Variants in CDHR5 observed in about 807,000 individuals in gnomAD.
The protein encoded by CDHR5 is cadherin related family member 5.
A neutral mutation model predicts 69.5 loss-of-function variants in CDHR5; 82 were observed. That is an observed-to-expected ratio of 1.18 (90% CI 0.99 to 1.42). The LOEUF (loss-of-function observed/expected upper bound fraction) is 1.42. Among genes scored for constraint, CDHR5 ranks in the 40% most tolerant of loss-of-function variants. The probability of loss-of-function intolerance (pLI) is 0.00; values close to 1 mark genes in which losing one functional copy is unlikely to be tolerated. For missense variants in CDHR5, 1,293 were observed against 1,168.9 expected (o/e 1.11, Z -1.55); for synonymous variants, 601 against 510.2 (o/e 1.18, Z -2.40).
Position 617,416 on chromosome 11 carries a change from C to A in CDHR5, c.2473G>T (p.Gly825Cys). 1 of 1,611,960 alleles carries A rather than the reference C, an allele frequency of 6.2e-7. No individual in the cohort carries two copies. The highest frequency in any genetic ancestry group is 8.5e-7 in the Non-Finnish European group (1 of 1,179,400). The change falls in exon 15 of 15, where the codon GGC becomes TGC. Residue 825 changes from glycine (G) to cysteine (C), a missense_variant. Gly to Cys is a radical substitution (Grantham distance 159, BLOSUM62 -3). Coordinates refer to ENST00000397542, the MANE Select transcript of CDHR5 (RefSeq NM_021924.5). ...GASDSGSGDE[G>C]EGAGRGGGPY... is the part of the protein sequence containing the mutation. ...CCCCCACCCCTCCCCGCGCCCTCGC[C>A]CTCATCGCCGCTGCCGGAGTCACTG...
In CDHR5 at chr11:617,570, C is replaced by A; in HGVS notation, c.2319G>T (p.Ala773=). ...GCTCCTTGGTCAGGATGGACCTCACCGCCGTGGGGCTTCCGCCAGCTCGGG... is the reference window on the plus strand; with the variant it reads ...GCTCCTTGGTCAGGATGGACCTCACAGCCGTGGGGCTTCCGCCAGCTCGGG... The part of the protein sequence containing the change: ...AAARAGGSPT[A]VRSILTKERR... Residue 773 remains alanine, a synonymous_variant, in exon 15 of 15, where the codon GCG becomes GCT. Transcript: ENST00000397542. 6.2e-7 allele frequency: 1 copy of A among 1,611,654 alleles called. No homozygotes were observed.
rs188410937 is a variant in CDHR5 at position 618,017 on chromosome 11, G to A, written c.2055C>T (p.Gly685=). The A allele has an allele frequency of 3.3e-4, 526 of 1,612,354 alleles. 4 individuals carry two copies. The highest frequency in any genetic ancestry group is 1.5e-5 in the Non-Finnish European group (18 of 1,179,810). ...AGTGCTTGTGGACAAGGACGGCGAG[G>A]CCAAGGAGAGCCAGCAGCAGCAGCG... ...LGALLLLALL[G]LAVLVHKHYG... Residue 685 remains glycine (G), a synonymous_variant, in exon 14 of 15, where the codon GGC becomes GGT. Transcript: ENST00000397542.
intron 13 of CDHR5, among the ~76,000 whole-genome samples, 191 bp from the exon 14 acceptor site, chr11:618,302 C>G (rs1008371608): frequency 2.0e-5 from 3 of 152,254 alleles, no homozygotes; most frequent in African/African-American, 2.4e-5. Flanking sequence ...ACCCCCTCCC[C>G]CCCGGGAGGC....
rs1236234536 is a variant in CDHR5, at chr11:624,882, C to G, written c.21G>C (p.Leu7=). 2 of 1,565,486 alleles carry G rather than the reference C, an allele frequency of 1.3e-6. No homozygotes were observed. Among genetic ancestry groups the G allele is most frequent in the East Asian group, 4.7e-5 (2 of 42,702 alleles). MGSWAL[L]WPPLLFTGLL... ...GCCCGGTGAACAGCAGGGGAGGCCA[C>G]AGCAGGGCCCAAGACCCCATCTTGG... The change falls in exon 1 of 15, where the codon CTG becomes CTC. Residue 7 remains leucine (L), a synonymous_variant. Transcript: ENST00000397542. This position sits in a 1 kb window ranked among gnomAD's most constrained non-coding sequence, Gnocchi z 5.3.
At position 622,000 on chromosome 11, in the gene CDHR5, C is replaced by T. The variant is rs1015140194; in HGVS notation, c.313-96G>A. Reference sequence around the variant, plus strand: ...CGTCCCCACCGTGAGTGAGGTGCACCCCTCAACGGCCACCTGTCCCCGCCC... The same window carrying T: ...CGTCCCCACCGTGAGTGAGGTGCACTCCTCAACGGCCACCTGTCCCCGCCC... On this transcript the variant is annotated intron_variant, in intron 3 of 14. Transcript: ENST00000397542. This position sits in a 1 kb window ranked among gnomAD's most constrained non-coding sequence, Gnocchi z 4.4. 3 of 897,934 alleles carry T rather than the reference C, an allele frequency of 3.3e-6. No individual in the cohort carries two copies. The African/African-American group carries it at 5.0e-5, about 15-fold the overall frequency. The allele number at this position is 897,934 out of a possible 1,614,324, so 55.6% of individuals were successfully genotyped here. A position where few individuals can be genotyped will look rare whatever the true frequency, so the allele number is the denominator to read the frequency against.
Position 619,677 on chromosome 11 carries a change from C to T in CDHR5, c.1179+4G>A, listed in dbSNP as rs1000085475. ...AGAGGGGAGGCCTTGGATGCACTCTCTACCGAGAACTCCGGGTCCTGAGCC... is the reference window on the plus strand; with the variant it reads ...AGAGGGGAGGCCTTGGATGCACTCTTTACCGAGAACTCCGGGTCCTGAGCC... On this transcript the variant is annotated splice_donor_region_variant and intron_variant, in intron 10 of 14. Transcript: ENST00000397542. The T allele has an allele frequency of 5.6e-6, 9 of 1,613,274 alleles. No individual in the cohort carries two copies. The highest frequency in any genetic ancestry group is 2.7e-5 in the African/African-American group (2 of 74,930).
At position 617,239 on chromosome 11, in the gene CDHR5, C is replaced by G. The variant is rs1338916504; in HGVS notation, c.*112G>C. 4 of 856,254 alleles carry G rather than the reference C, an allele frequency of 4.7e-6. No individual in the cohort carries two copies. The highest frequency in any genetic ancestry group is 7.3e-6 in the Non-Finnish European group (4 of 548,752). 53.0% of individuals were successfully genotyped at this position (856,254 alleles called of 1,614,324 possible). Reference sequence around the variant, plus strand: ...ACCCCCATGGACCCGCGCGCCTGCCCCACGCCATGGCCTGGGTTTCGGGAG... The same window carrying G: ...ACCCCCATGGACCCGCGCGCCTGCCGCACGCCATGGCCTGGGTTTCGGGAG... On this transcript the variant is annotated 3_prime_UTR_variant, in exon 15 of 15. Coordinates refer to ENST00000397542, the MANE Select transcript of CDHR5 (RefSeq NM_021924.5).
chr11:621,528 G>A lies in CDHR5; in HGVS notation c.507+34C>T, dbSNP rs1477851293. On this transcript the variant is annotated intron_variant, in intron 5 of 14. Coordinates refer to ENST00000397542, the MANE Select transcript of CDHR5 (RefSeq NM_021924.5). The surrounding 1 kb of genome is among the most constrained non-coding windows in gnomAD (Gnocchi z 4.4). ...GGCGGCTGTGGGTGTCAGAGGCGAG[G>A]GGCTCGTGCTGGGGCAGGGTGGGCG... 1 of 1,594,204 alleles carries A rather than the reference G, an allele frequency of 6.3e-7. No individual in the cohort carries two copies.
rs1857612611 is a variant in CDHR5, at chr11:624,607, A to G, written c.211T>C (p.Phe71Leu). ...AACAGCTGGTTTCCCTGGATCCGAAATGCAAAGGGGGTGGACAAGGCTCCG... is the reference window on the plus strand; with the variant it reads ...AACAGCTGGTTTCCCTGGATCCGAAGTGCAAAGGGGGTGGACAAGGCTCCG... ...TLGALSTPFA[F>L]RIQGNQLFLN... The change falls in exon 2 of 15, where the codon TTT (phenylalanine) becomes CTT (leucine). Residue 71 changes from phenylalanine (F) to leucine (L), a missense_variant. Physicochemically the swap from Phe to Leu is conservative, Grantham distance 22. Coordinates refer to ENST00000397542, the MANE Select transcript of CDHR5 (RefSeq NM_021924.5). This position sits in a 1 kb window ranked among gnomAD's most constrained non-coding sequence, Gnocchi z 5.3. 3 of 1,611,866 alleles carry G rather than the reference A, an allele frequency of 1.9e-6. No homozygotes were observed. Among genetic ancestry groups the G allele is most frequent in the East Asian group, 4.5e-5 (2 of 44,830 alleles).
chr11:618,051 AC>A lies in CDHR5; in HGVS notation c.2020del (p.Val674CysfsTer101). 6.2e-7 allele frequency: 1 copy of A among 1,609,696 alleles called. No individual in the cohort carries two copies. Among genetic ancestry groups the A allele is most frequent in the Non-Finnish European group, 8.5e-7 (1 of 1,178,544 alleles). ...SVVDMAALGGVLGALLLLALL... is the reference protein window; with the variant it reads ...SVVDMAALGGXLGALLLLALL... ...AGCCAGCAGCAGCAGCGCACCCAGC[AC>A]CCCGCCCAGGGCCGCCATATCCACC... On this transcript the variant is annotated frameshift_variant, in exon 14 of 15. Coordinates refer to ENST00000397542, the MANE Select transcript of CDHR5 (RefSeq NM_021924.5). LOFTEE classifies it high-confidence loss of function.
chr11:621,745 C>T lies in CDHR5; in HGVS notation c.405+67G>A, dbSNP rs1332277245. ...TGTGGTTGAGCCCCCGGCCACCACT[C>T]ACCTCCTGCCCTCACCCTGGGCTCC... On this transcript the variant is annotated intron_variant, in intron 4 of 14. Transcript: ENST00000397542. This position sits in a 1 kb window ranked among gnomAD's most constrained non-coding sequence, Gnocchi z 4.4. The T allele has an allele frequency of 5.1e-6, 8 of 1,558,886 alleles. No homozygotes were observed. Among genetic ancestry groups the T allele is most frequent in the East Asian group, 2.2e-5 (1 of 44,566 alleles).
In CDHR5 at chr11:624,151, C is replaced by T. The variant is rs117950985; in HGVS notation, c.312+62G>A. 19,512 of 648,938 alleles carry T rather than the reference C, an allele frequency of 0.03. 387 individuals carry two copies. Among genetic ancestry groups the T allele is most frequent in the Admixed American group, 0.058 (2,832 of 48,722 alleles). 40.2% of individuals were successfully genotyped at this position (648,938 alleles called of 1,614,324 possible). On this transcript the variant is annotated intron_variant, in intron 3 of 14. Transcript: ENST00000397542. The surrounding 1 kb of genome is among the most constrained non-coding windows in gnomAD (Gnocchi z 5.3). ...ACGTCATCAAAGACTGGTCCTGGAC[C>T]GGCAGGGCAGAGCCCAGCAGAGGTG...
intron 7 of CDHR5, among the ~76,000 whole-genome samples, chr11:620,683 G>A (rs1857321674): frequency 6.6e-6 from 1 of 152,212 alleles, no homozygotes; most frequent in Non-Finnish European, 1.5e-5. Context: ...CCCGGGGTCT[G>A]CATTTCTGCC....
Position 621,606 on chromosome 11 carries a change from C to T in CDHR5, c.463G>A (p.Asp155Asn), listed in dbSNP as rs1237684339. The T allele has an allele frequency of 4.3e-6, 7 of 1,613,594 alleles. No homozygotes were observed. Among genetic ancestry groups the T allele is most frequent in the African/African-American group, 2.7e-5 (2 of 74,802 alleles). The change falls in exon 5 of 15, where the codon GAC (aspartate) becomes AAC (asparagine). Residue 155 changes from aspartate to asparagine, a missense_variant. Physicochemically the swap from Asp to Asn is conservative, Grantham distance 23. Transcript: ENST00000397542. The surrounding 1 kb of genome is among the most constrained non-coding windows in gnomAD (Gnocchi z 4.4). The part of the protein sequence containing the change: ...PETQLQAEDR[D>N]KDDILFYTLQ... ...GTGTAGAACAGAATGTCGTCCTTGT[C>T]GCGGTCCTCAGCCTGCAGTTGCGTC... is the stretch of plus-strand genomic sequence containing the variant.
Position 624,367 on chromosome 11 carries a change from G to T in CDHR5, c.262-104C>A. 1 of 740,032 alleles carries T rather than the reference G, an allele frequency of 1.4e-6. No homozygotes were observed. The highest frequency in any genetic ancestry group is 2.5e-6 in the Non-Finnish European group (1 of 404,432). The allele number at this position is 740,032 out of a possible 1,614,324, so 45.8% of individuals were successfully genotyped here. ...CCAGGGTCCCCATCATCAGTGGTCA[G>T]TGCTGAGGGTGTGGGCCCAGGCAGC... On this transcript the variant is annotated intron_variant, in intron 2 of 14. Coordinates refer to ENST00000397542, the MANE Select transcript of CDHR5 (RefSeq NM_021924.5). The surrounding 1 kb of genome is among the most constrained non-coding windows in gnomAD (Gnocchi z 5.3).
In CDHR5 at chr11:621,511, T is replaced by G; in HGVS notation, c.507+51A>C. 2 of 1,591,842 alleles carry G rather than the reference T, an allele frequency of 1.3e-6. No homozygotes were observed. Among genetic ancestry groups the G allele is most frequent in the Non-Finnish European group, 1.7e-6 (2 of 1,160,144 alleles). On this transcript the variant is annotated intron_variant, in intron 5 of 14. Coordinates refer to ENST00000397542, the MANE Select transcript of CDHR5 (RefSeq NM_021924.5). The surrounding 1 kb of genome is among the most constrained non-coding windows in gnomAD (Gnocchi z 4.4). Reference sequence around the variant, plus strand: ...GAGCCTTGGAGGGCGAGGGCGGCTGTGGGTGTCAGAGGCGAGGGGCTCGTG... The same window carrying G: ...GAGCCTTGGAGGGCGAGGGCGGCTGGGGGTGTCAGAGGCGAGGGGCTCGTG...
Position 622,048 on chromosome 11 carries a change from G to A in CDHR5, c.313-144C>T, listed in dbSNP as rs932157424. 11 of 634,856 alleles carry A rather than the reference G, an allele frequency of 1.7e-5. 1 individual carries two copies. The highest frequency in any genetic ancestry group is 2.7e-5 in the Non-Finnish European group (10 of 368,488). The allele number at this position is 634,856 out of a possible 1,614,324, so 39.3% of individuals were successfully genotyped here. ...CCCTAAGTGAGGTGCACCCCTCGAC[G>A]GCCACCCGTCCCTGCTGTGAGTGAG... On this transcript the variant is annotated intron_variant, in intron 3 of 14. Transcript: ENST00000397542.
In CDHR5 at chr11:619,988, G is replaced by A. The variant is rs533191934; in HGVS notation, c.978+79C>T. ...GCAGACTTGGCGGGGGCCCTGCCCC[G>A]GCCCCCCAGCCCTGACCCCCCGCCC... On this transcript the variant is annotated intron_variant, in intron 9 of 14. Transcript: ENST00000397542. 3.4e-4 allele frequency: 419 copies of A among 1,236,366 alleles called. 5 individuals carry two copies. The East Asian group carries it at 9.8e-3, about 29-fold the overall frequency. 76.6% of individuals were successfully genotyped at this position (1,236,366 alleles called of 1,614,324 possible).
chr11:620,960 A>G (rs748980958), intron 7 of CDHR5, 120 bp downstream of exon 7: 44 of 696,632 alleles, frequency 6.3e-5, no homozygotes, highest in Non-Finnish European at 9.2e-5. Flanking sequence ...CAAAATCACG[A>G]CCGAAATCGG....
Sources: allele counts gnomAD v4.1 joint callset (sites outside exome capture counted in the v4.1 genomes callset), GRCh38; gene constraint gnomAD v4.1.1; non-coding constraint Gnocchi (gnomAD v3.1); transcripts MANE v1.5; gene names NCBI Gene and HGNC (gene_info 2026-07-23, HGNC 2026-07-21).